The following PREP variants were observed in gnomAD, a reference collection of about 807,000 sequenced individuals.
PREP encodes the protein prolyl endopeptidase.
Under a neutral mutation model 87.6 loss-of-function variants are expected in PREP, and 29 were observed. That is an observed-to-expected ratio of 0.33 (90% CI 0.25 to 0.45). The LOEUF (loss-of-function observed/expected upper bound fraction) is 0.45. PREP is among the 20% of genes least tolerant of loss of function. The pLI is 1.00. For missense variants in PREP, 695 were observed against 886.5 expected, an observed-to-expected ratio of 0.78 and a Z score of 2.74; for synonymous variants, 337 against 328.6, an observed-to-expected ratio of 1.03 and a Z score of -0.28.
chr6:105,330,008 A>G (rs1341285596), intron 8 of PREP, among the ~76,000 whole-genome samples: 1 of 152,192 alleles, frequency 6.6e-6, no homozygotes, highest in Non-Finnish European at 1.5e-5. Flanking sequence ...GCCAGGAATG[A>G]GGAGAGGGGA....
chr6:105,380,805 C>T (rs1328198320), intron 2 of PREP, among the ~76,000 whole-genome samples: 1 of 152,152 alleles, frequency 6.6e-6, no homozygotes, highest in Non-Finnish European at 1.5e-5. Context: ...GATGTCATTT[C>T]CCTGATCCTT....
chr6:105,277,903 T>A lies in PREP; in HGVS notation c.*241A>T. 1 of 555,578 alleles carries A rather than the reference T, an allele frequency of 1.8e-6. No individual in the cohort carries two copies. Among genetic ancestry groups the A allele is most frequent in the Non-Finnish European group, 3.1e-6 (1 of 319,250 alleles). The allele number at this position is 555,578 out of a possible 1,614,324, so 34.4% of individuals were successfully genotyped here. On this transcript the variant is annotated 3_prime_UTR_variant, in exon 15 of 15. Coordinates refer to ENST00000652536, the MANE Select transcript of PREP (RefSeq NM_002726.5). ...TTAGCTATTTATCCCAACATGCCCTTAAAAAAAACACCAAAAAACCACATG... is the reference window on the plus strand; with the variant it reads ...TTAGCTATTTATCCCAACATGCCCTAAAAAAAAACACCAAAAAACCACATG...
chr6:105,370,786 T>C (rs1772517765), intron 5 of PREP, among the ~76,000 whole-genome samples: 1 of 152,208 alleles, frequency 6.6e-6, no homozygotes, highest in African/African-American at 2.4e-5. Context: ...ACATACTGTC[T>C]AATTCCAACT....
At chr6:105,338,804 T>G (rs1771547842) in intron 7 of PREP, among the ~76,000 whole-genome samples, 1 of 152,198 alleles carries the variant, frequency 6.6e-6, no homozygotes, top group South Asian at 2.1e-4. Context: ...CACAGTAGTC[T>G]GAGATCGAAC....
At chr6:105,362,322 T>A (rs1233274828) in intron 6 of PREP, among the ~76,000 whole-genome samples, 4 of 152,076 alleles carry the variant, frequency 2.6e-5, no homozygotes, top group African/African-American at 9.7e-5. Context: ...TTAGCTGGGC[T>A]TGGTGGCGTA....
chr6:105,357,576 C>G (rs1772132965), intron 6 of PREP, among the ~76,000 whole-genome samples: 2 of 152,252 alleles, frequency 1.3e-5, no homozygotes, highest in South Asian at 4.1e-4. Flanking sequence ...GTTGCATTTT[C>G]AAATGCTCAA....
In PREP at chr6:105,352,118, G is replaced by GA. The variant is rs529924303; in HGVS notation, c.823+853dup. 1.2e-4 allele frequency among the ~76,000 whole-genome samples: 18 copies of GA among 152,232 alleles called. No homozygotes were observed. In the East Asian group the frequency reaches 3.3e-3, roughly 28 times the overall value. ...ATTACAGAAATGCACTTAGTATTTT[G>GA]AAAATCTAGGTCAACCCTCTCTAAA... is the stretch of plus-strand genomic sequence containing the variant. On this transcript the variant is annotated intron_variant, in intron 7 of 14. Transcript: ENST00000652536.
chr6:105,317,447 A>T (rs1158551117), intron 10 of PREP, among the ~76,000 whole-genome samples: 1 of 152,176 alleles, frequency 6.6e-6, no homozygotes, highest in East Asian at 1.9e-4. Context: ...TTGTCTGTAA[A>T]ATAAGAGGGC....
At chr6:105,343,086 A>G (rs1217292655) in intron 7 of PREP, among the ~76,000 whole-genome samples, 1 of 152,242 alleles carries the variant, frequency 6.6e-6, no homozygotes, top group Non-Finnish European at 1.5e-5. Flanking sequence ...CTAAGCCAAA[A>G]GAACAAAGCT....
chr6:105,368,859 T>C, intron 6 of PREP, 44 bp downstream of exon 6: 2 of 1,606,664 alleles, frequency 1.2e-6, no homozygotes, highest in African/African-American at 2.7e-5. Flanking sequence ...CACACATCCA[T>C]GAAACACAGT....
rs558175677 is a variant in PREP, at chr6:105,321,475, C to G, written c.1317+2190G>C. On this transcript the variant is annotated intron_variant, in intron 10 of 14. Coordinates refer to ENST00000652536, the MANE Select transcript of PREP (RefSeq NM_002726.5). The stretch of plus-strand genomic sequence containing the variant: ...CACGGTTTAACCTGGACATTCCAGG[C>G]TGCTATGTATGTGGCTGTTAGGTTT... Among the ~76,000 whole-genome samples, 15 of 152,356 alleles carry G rather than the reference C, an allele frequency of 9.8e-5. No individual in the cohort carries two copies. In the South Asian group the frequency reaches 3.1e-3, roughly 32 times the overall value.
rs199929615 is a variant in PREP at position 105,277,161 on chromosome 6, C to CTT, written c.*981_*982dup. Among the ~76,000 whole-genome samples, 4,154 of 134,158 alleles carry CTT rather than the reference C, an allele frequency of 0.031. 181 individuals are homozygous for CTT. Among genetic ancestry groups the CTT allele is most frequent in the African/African-American group, 0.11 (3,785 of 35,116 alleles). The allele number at this position is 134,158 out of a possible 152,430, so 88.0% of individuals were successfully genotyped here. A position where few individuals can be genotyped will look rare whatever the true frequency, so the allele number is the denominator to read the frequency against. ...AATCTTGGGGGTGGGCAAACCAAAA[C>CTT]TTTTTTTTTTTTTTTTCCAGTAAGT... On this transcript the variant is annotated 3_prime_UTR_variant, in exon 15 of 15. Coordinates refer to ENST00000652536, the MANE Select transcript of PREP (RefSeq NM_002726.5).
intron 9 of PREP, among the ~76,000 whole-genome samples, chr6:105,326,005 G>A (rs1297229528): frequency 1.3e-5 from 2 of 152,104 alleles, no homozygotes; most frequent in African/African-American, 4.8e-5. Flanking sequence ...ACAACTCTAG[G>A]AGAACCTACC....
At chr6:105,367,935 C>T (rs1772433214) in intron 6 of PREP, among the ~76,000 whole-genome samples, 1 of 144,278 alleles carries the variant, frequency 6.9e-6, no homozygotes, top group East Asian at 1.9e-4. Context: ...AGATCCAGCC[C>T]AGTGGCAGCA....
chr6:105,371,298 T>TTCAA (rs1037476146), intron 5 of PREP, among the ~76,000 whole-genome samples: 2 of 151,482 alleles, frequency 1.3e-5, no homozygotes, highest in Non-Finnish European at 2.9e-5. Context: ...AGGTCAGGAG[T>TTCAA]TCAAGACCAG....
At chr6:105,370,061 G>A (rs1772494829) in intron 5 of PREP, among the ~76,000 whole-genome samples, 1 of 152,032 alleles carries the variant, frequency 6.6e-6, no homozygotes, top group African/African-American at 2.4e-5. Flanking sequence ...AGACCAGCCT[G>A]ACCAACATGG....
chr6:105,314,724 T>A (rs1770826317), intron 10 of PREP, among the ~76,000 whole-genome samples: 1 of 152,194 alleles, frequency 6.6e-6, no homozygotes, highest in Non-Finnish European at 1.5e-5. Context: ...AAGGGTGGAA[T>A]CAACCTCTTC....
rs747402925 is a variant in PREP at position 105,333,310 on chromosome 6, T to C, written c.1015+4A>G. On this transcript the variant is annotated splice_donor_region_variant and intron_variant, in intron 8 of 14. Transcript: ENST00000652536. ...CACAATTTTCAAGTCACATGTGTTC[T>C]CACCTAAGACATCTTTCTCATGCTC... The C allele has an allele frequency of 1.9e-6, 3 of 1,612,190 alleles. No homozygotes were observed. The highest frequency in any genetic ancestry group is 2.5e-6 in the Non-Finnish European group (3 of 1,178,414).
intron 14 of PREP, among the ~76,000 whole-genome samples, chr6:105,279,671 A>G (rs1276400805): frequency 2.0e-5 from 3 of 152,160 alleles, no homozygotes; most frequent in African/African-American, 7.2e-5. Flanking sequence ...AGCTCCCTGT[A>G]GGACCCTTCC....
Sources: allele counts gnomAD v4.1 joint callset (sites outside exome capture counted in the v4.1 genomes callset), GRCh38; gene constraint gnomAD v4.1.1; transcripts MANE v1.5; gene names NCBI Gene and HGNC (gene_info 2026-07-23, HGNC 2026-07-21).